Variants in PDZRN3 observed in about 807,000 individuals in gnomAD.
PDZRN3 encodes the protein PDZ domain containing ring finger 3.
A neutral mutation model predicts 85.7 loss-of-function variants in PDZRN3; 38 were observed. That is an observed-to-expected ratio of 0.44 (90% CI 0.34 to 0.58). The LOEUF is 0.58. Among genes scored for constraint, PDZRN3 ranks in the 20% least tolerant of loss-of-function variants. The probability of loss-of-function intolerance (pLI) is 0.01; values close to 1 mark genes in which losing one functional copy is unlikely to be tolerated. For synonymous variants in PDZRN3, 759 were observed against 638.0 expected (o/e 1.19, Z -2.86); for missense variants, 1,629 against 1,506.4 (o/e 1.08, Z -1.35).
intron 1 of PDZRN3, among the ~76,000 whole-genome samples, chr3:73,610,903 T>C (rs1485507908): frequency 2.0e-5 from 3 of 152,230 alleles, no homozygotes; most frequent in African/African-American, 7.2e-5. Context: ...TGCCAGAAAC[T>C]ATACTGACAA....
chr3:73,395,383 G>C (rs1701614592), intron 5 of PDZRN3, among the ~76,000 whole-genome samples: 1 of 152,166 alleles, frequency 6.6e-6, no homozygotes, highest in South Asian at 2.1e-4. Context: ...AGCATTATCT[G>C]GATTACAGCT....
intron 3 of PDZRN3, among the ~76,000 whole-genome samples, chr3:73,580,108 C>G (rs1450774277): frequency 6.6e-6 from 1 of 152,058 alleles, no homozygotes; most frequent in Non-Finnish European, 1.5e-5. Flanking sequence ...ACTGAAAATC[C>G]ATTTTAGGAT....
intron 3 of PDZRN3, among the ~76,000 whole-genome samples, chr3:73,420,336 G>A (rs1440507565): frequency 6.6e-6 from 1 of 152,150 alleles, no homozygotes; most frequent in African/African-American, 2.4e-5. Flanking sequence ...GATAAAACTT[G>A]GTGGATGTTT....
chr3:73,583,731 C>G (rs1280628789), intron 3 of PDZRN3, among the ~76,000 whole-genome samples: 1 of 152,112 alleles, frequency 6.6e-6, no homozygotes, highest in Non-Finnish European at 1.5e-5. Context: ...AGGAGTCCAC[C>G]CTCAAAGTGG....
chr3:73,408,201 G>A (rs1012903050), intron 3 of PDZRN3: 21 of 703,034 alleles, frequency 3.0e-5, no homozygotes, highest in Admixed American at 2.4e-4. Context: ...TGAAGCCAGC[G>A]TTGGAATCCT....
Position 73,383,229 on chromosome 3 carries a change from T to G in PDZRN3, c.*136A>C. ...AATAGACCTATGACACCCAGAGTTGTAGGGTTTGCAAATTTGGACTATAAA... is the reference window on the plus strand; with the variant it reads ...AATAGACCTATGACACCCAGAGTTGGAGGGTTTGCAAATTTGGACTATAAA... On this transcript the variant is annotated 3_prime_UTR_variant, in exon 10 of 10. Transcript: ENST00000263666. The G allele has an allele frequency of 1.3e-6, 1 of 756,612 alleles. No homozygotes were observed. Among genetic ancestry groups the G allele is most frequent in the Non-Finnish European group, 2.2e-6 (1 of 460,798 alleles). The allele number at this position is 756,612 out of a possible 1,614,324, so 46.9% of individuals were successfully genotyped here.
intron 7 of PDZRN3, 23 bp from the exon 8 acceptor site, chr3:73,388,092 G>T: frequency 4.9e-6 from 5 of 1,024,320 alleles, no homozygotes; most frequent in South Asian, 1.5e-5. Flanking sequence ...AAGGGGGGGT[G>T]GGGAGAGTGG....
At chr3:73,615,997 G>A (rs1702756178) in intron 1 of PDZRN3, among the ~76,000 whole-genome samples, 1 of 152,224 alleles carries the variant, frequency 6.6e-6, no homozygotes, top group Non-Finnish European at 1.5e-5. Context: ...ACCTCATGAA[G>A]AGATTAATGC....
Position 73,384,361 on chromosome 3 carries a change from C to A in PDZRN3, c.2205G>T (p.Val735=), listed in dbSNP as rs781088192. Residue 735 remains valine (V), a synonymous_variant, in exon 10 of 10, where the codon GTG becomes GTT. Coordinates refer to ENST00000263666, the MANE Select transcript of PDZRN3 (RefSeq NM_015009.3). ...TGATATCTGAGAGCTCGTGTCTGCG[C>A]ACGTCGATGCTGGTGTTGTAGTTGC... ...GFRNYNTSID[V]RRHELSDITE... is the part of the protein sequence containing the mutation. 5 of 1,609,580 alleles carry A rather than the reference C, an allele frequency of 3.1e-6. No homozygotes were observed. The highest frequency in any genetic ancestry group is 4.2e-6 in the Non-Finnish European group (5 of 1,179,956).
chr3:73,594,433 A>G (rs1702404668), intron 3 of PDZRN3, among the ~76,000 whole-genome samples: 1 of 152,208 alleles, frequency 6.6e-6, no homozygotes, highest in African/African-American at 2.4e-5. Flanking sequence ...TTAACTTGAA[A>G]TAACAACTCT....
intron 3 of PDZRN3, among the ~76,000 whole-genome samples, chr3:73,465,626 T>C (rs1158193148): frequency 6.6e-6 from 1 of 152,246 alleles, no homozygotes; most frequent in African/African-American, 2.4e-5. Context: ...TCACGATTAT[T>C]GTTGTACATT....
At chr3:73,530,818 C>T (rs529439869) in intron 3 of PDZRN3, among the ~76,000 whole-genome samples, 20 of 152,260 alleles carry the variant, frequency 1.3e-4, no homozygotes, top group African/African-American at 4.8e-4. Flanking sequence ...AATGGACCAG[C>T]ATATTGACAA....
At chr3:73,397,501 GAA>G (rs1380594620) in intron 5 of PDZRN3, among the ~76,000 whole-genome samples, 1 of 152,220 alleles carries the variant, frequency 6.6e-6, no homozygotes, top group East Asian at 1.9e-4. Context: ...CAGTCTCCCT[GAA>G]AACTGGGCCC....
At chr3:73,498,841 C>T (rs1180395984) in intron 3 of PDZRN3, among the ~76,000 whole-genome samples, 1 of 152,112 alleles carries the variant, frequency 6.6e-6, no homozygotes, top group Non-Finnish European at 1.5e-5. Context: ...CCTCAGCCTC[C>T]CAAAGTCCTG....
chr3:73,521,312 T>C (rs968530714), intron 3 of PDZRN3, among the ~76,000 whole-genome samples: 21 of 152,224 alleles, frequency 1.4e-4, no homozygotes, highest in African/African-American at 5.1e-4. Context: ...TTAACTCTCA[T>C]TCTGAGGAGC....
intron 1 of PDZRN3, among the ~76,000 whole-genome samples, chr3:73,614,576 A>G (rs1252043073): frequency 2.0e-5 from 3 of 152,198 alleles, no homozygotes; most frequent in Non-Finnish European, 4.4e-5. Context: ...AGTCTGTGTG[A>G]TGTAACACCT....
chr3:73,410,411 C>CAGCTGT (rs1390914397), intron 3 of PDZRN3, among the ~76,000 whole-genome samples: 2 of 152,214 alleles, frequency 1.3e-5, no homozygotes, highest in Non-Finnish European at 2.9e-5. Context: ...GGCACTGCCA[C>CAGCTGT]AGCTGTCAGT....
chr3:73,513,917 C>A (rs1704211100), intron 3 of PDZRN3, among the ~76,000 whole-genome samples: 1 of 152,170 alleles, frequency 6.6e-6, no homozygotes, highest in South Asian at 2.1e-4. Flanking sequence ...TTTCTATATA[C>A]AAGGTTTCTA....
chr3:73,576,216 C>T (rs796744996), intron 3 of PDZRN3, among the ~76,000 whole-genome samples: 14 of 152,192 alleles, frequency 9.2e-5, no homozygotes, highest in African/African-American at 3.4e-4. Flanking sequence ...GAGCTCTATC[C>T]AGTGTTAAGG....
Sources: allele counts gnomAD v4.1 joint callset (sites outside exome capture counted in the v4.1 genomes callset), GRCh38; gene constraint gnomAD v4.1.1; transcripts MANE v1.5; gene names NCBI Gene and HGNC (gene_info 2026-07-23, HGNC 2026-07-21).